Variants in CDH13 observed in about 807,000 individuals in gnomAD.
CDH13 encodes the protein cadherin 13, also known as cadherin-13.
CDH13 carries 24 observed loss-of-function variants against 63.8 expected under a neutral mutation model. The observed-to-expected ratio is 0.38, with a 90% CI of 0.27 to 0.53. The LOEUF (loss-of-function observed/expected upper bound fraction) is 0.53. Among genes scored for constraint, CDH13 ranks in the 20% least tolerant of loss-of-function variants. The probability of loss-of-function intolerance (pLI) is 0.85; values close to 1 mark genes in which losing one functional copy is unlikely to be tolerated. For missense variants in CDH13, 1,049 were observed against 903.1 expected, an observed-to-expected ratio of 1.16 and a Z score of -2.07; for synonymous variants, 503 against 355.3, an observed-to-expected ratio of 1.42 and a Z score of -4.67.
chr16:82,795,231 T>C (rs1264837200), intron 1 of CDH13, among the ~76,000 whole-genome samples: 2 of 152,198 alleles, frequency 1.3e-5, no homozygotes, highest in Non-Finnish European at 2.9e-5. Flanking sequence ...TTGGAATGAA[T>C]AATTTTCCAA....
At chr16:83,719,361 C>T (rs1470908534) in intron 10 of CDH13, among the ~76,000 whole-genome samples, 1 of 152,096 alleles carries the variant, frequency 6.6e-6, no homozygotes, top group Admixed American at 6.5e-5. Context: ...TGTGAGGGAT[C>T]CCCCACTGTC....
At chr16:83,275,721 A>G (rs1597643442) in intron 5 of CDH13, among the ~76,000 whole-genome samples, 2 of 152,172 alleles carry the variant, frequency 1.3e-5, no homozygotes, top group East Asian at 3.8e-4. Flanking sequence ...ACTTGGTTAT[A>G]CGTCATTTCT....
At chr16:83,271,335 C>A (rs1223842479) in intron 5 of CDH13, among the ~76,000 whole-genome samples, 1 of 143,938 alleles carries the variant, frequency 6.9e-6, no homozygotes, top group Non-Finnish European at 1.5e-5. Context: ...CCAGGCTGGA[C>A]TTCTCCTTAT....
chr16:82,644,904 A>G lies in CDH13; in HGVS notation c.45+17767A>G, dbSNP rs940725491. Among the ~76,000 whole-genome samples, 5 of 151,998 alleles carry G rather than the reference A, an allele frequency of 3.3e-5. No homozygotes were observed. The highest frequency in any genetic ancestry group is 1.2e-4 in the African/African-American group (5 of 41,428). ...TGGGAGGTTAATATGGGTTCTGGGG[A>G]AAAAAAATTAGGGGAATCAAAAAAT... On this transcript the variant is annotated intron_variant, in intron 1 of 13. Coordinates refer to ENST00000567109, the MANE Select transcript of CDH13 (RefSeq NM_001257.5). This position sits in a 1 kb window ranked among gnomAD's most constrained non-coding sequence, Gnocchi z 5.7.
intron 8 of CDH13, among the ~76,000 whole-genome samples, chr16:83,619,081 C>A (rs1054918189): frequency 8.5e-5 from 13 of 152,200 alleles, no homozygotes; most frequent in Non-Finnish European, 1.8e-4. Flanking sequence ...TGTGTGCCTG[C>A]GTTTGTGTAT....
At chr16:83,014,511 A>G (rs963025676) in intron 2 of CDH13, among the ~76,000 whole-genome samples, 4 of 151,296 alleles carry the variant, frequency 2.6e-5, no homozygotes, top group Admixed American at 2.6e-4. Context: ...AGACGGATAG[A>G]TCACTTGAGG....
intron 1 of CDH13, among the ~76,000 whole-genome samples, chr16:82,646,847 C>G (rs570570049): frequency 1.3e-5 from 2 of 152,008 alleles, no homozygotes; most frequent in Non-Finnish European, 2.9e-5. Flanking sequence ...TCGAGGGAAG[C>G]CTGAGTCCAG....
chr16:83,386,936 C>T (rs966723810), intron 6 of CDH13, among the ~76,000 whole-genome samples: 2 of 152,284 alleles, frequency 1.3e-5, no homozygotes, highest in African/African-American at 4.8e-5. Context: ...ATCTAGAAAG[C>T]CAAAGTTTCC....
rs2075693475 is a variant in CDH13, at chr16:83,560,908, C to CG, written c.961-41546_961-41545insG. The stretch of plus-strand genomic sequence containing the variant: ...GTGTACCATAAGGTTGGCCCCCCCC[C>CG]CGCCCCAGGGGCTGAGGGTTGGGCA... On this transcript the variant is annotated intron_variant, in intron 7 of 13. Coordinates refer to ENST00000567109, the MANE Select transcript of CDH13 (RefSeq NM_001257.5). Among the ~76,000 whole-genome samples the CG allele has an allele frequency of 2.0e-5, 3 of 152,080 alleles. No individual in the cohort carries two copies. In the South Asian group the frequency reaches 6.2e-4, roughly 32 times the overall value.
chr16:82,692,397 G>C (rs1040662459), intron 1 of CDH13, among the ~76,000 whole-genome samples: 1 of 152,202 alleles, frequency 6.6e-6, no homozygotes, highest in Non-Finnish European at 1.5e-5. Context: ...CACAATCATG[G>C]TGGAAGGCGA....
intron 7 of CDH13, among the ~76,000 whole-genome samples, chr16:83,589,014 T>C (rs1170782235): frequency 6.6e-6 from 1 of 152,168 alleles, no homozygotes; most frequent in East Asian, 1.9e-4. Flanking sequence ...CAGCACAATA[T>C]ATTATCCTAC....
intron 8 of CDH13, among the ~76,000 whole-genome samples, chr16:83,619,609 G>T (rs1421985697): frequency 6.6e-6 from 1 of 152,218 alleles, no homozygotes; most frequent in Non-Finnish European, 1.5e-5. Context: ...TTGTGCTCCT[G>T]GGCTTGTGCA....
intron 6 of CDH13, among the ~76,000 whole-genome samples, chr16:83,475,448 C>T (rs1440668129): frequency 6.6e-6 from 1 of 152,186 alleles, no homozygotes; most frequent in Non-Finnish European, 1.5e-5. Flanking sequence ...AGAGGATCTG[C>T]CCCTTGAAGT....
At chr16:83,581,633 C>T (rs185091970) in intron 7 of CDH13, among the ~76,000 whole-genome samples, 117 of 152,214 alleles carry the variant, frequency 7.7e-4, no homozygotes, top group South Asian at 2.1e-3. Context: ...GCCTAGTCAA[C>T]GTGGTGAAAT....
At chr16:83,443,857 C>G (rs1447988016) in intron 6 of CDH13, among the ~76,000 whole-genome samples, 4 of 147,888 alleles carry the variant, frequency 2.7e-5, no homozygotes, top group Non-Finnish European at 6.0e-5. Context: ...ATCATTTGAG[C>G]CCAGGAGGTT....
chr16:82,749,476 C>G (rs181066743), intron 1 of CDH13, among the ~76,000 whole-genome samples: 2 of 152,234 alleles, frequency 1.3e-5, no homozygotes, highest in Non-Finnish European at 1.5e-5. Context: ...TCTCCAGGTT[C>G]GGAACTCATC....
intron 7 of CDH13, among the ~76,000 whole-genome samples, chr16:83,546,120 C>T (rs913007328): frequency 1.3e-5 from 2 of 152,148 alleles, no homozygotes; most frequent in Non-Finnish European, 2.9e-5. Context: ...ATGAGGCAAT[C>T]AGAAAGAGCC....
At chr16:83,195,035 CTTTG>C (rs1035227495) in intron 4 of CDH13, among the ~76,000 whole-genome samples, 5 of 152,158 alleles carry the variant, frequency 3.3e-5, no homozygotes, top group Non-Finnish European at 5.9e-5. Context: ...CATTCTTTCT[CTTTG>C]TTTGAGTAAC....
chr16:83,758,537 G>C (rs902638070), intron 11 of CDH13, among the ~76,000 whole-genome samples: 2 of 151,852 alleles, frequency 1.3e-5, no homozygotes, highest in African/African-American at 4.8e-5. Context: ...CTTTTTTTGT[G>C]ACCTCAGTCC....
Sources: allele counts gnomAD v4.1 joint callset (sites outside exome capture counted in the v4.1 genomes callset), GRCh38; gene constraint gnomAD v4.1.1; non-coding constraint Gnocchi (gnomAD v3.1); transcripts MANE v1.5; gene names NCBI Gene and HGNC (gene_info 2026-07-23, HGNC 2026-07-21).